Variants in PLXDC2 observed in about 807,000 individuals in gnomAD.
PLXDC2 encodes plexin domain-containing protein 2.
A neutral mutation model predicts 68.9 loss-of-function variants in PLXDC2; 40 were observed. The ratio of observed to expected loss-of-function variants is 0.58; its 90% CI spans 0.45 to 0.76. The LOEUF (loss-of-function observed/expected upper bound fraction) is 0.76, where lower values mean the gene tolerates loss of function less well. PLXDC2 is among the 30% of genes least tolerant of loss of function. The probability of loss-of-function intolerance (pLI) is 0.00; values close to 1 mark genes in which losing one functional copy is unlikely to be tolerated. For synonymous variants in PLXDC2, 243 were observed against 234.2 expected (o/e 1.04, Z -0.34); for missense variants, 644 against 661.9 (o/e 0.97, Z 0.30).
At chr10:20,189,877 G>A (rs1474890429) in intron 9 of PLXDC2, among the ~76,000 whole-genome samples, 1 of 151,488 alleles carries the variant, frequency 6.6e-6, no homozygotes, top group Admixed American at 6.6e-5. Flanking sequence ...TTTAATGAGG[G>A]ACGTGGATAA....
Position 20,286,191 on chromosome 10 carries a change from A to G in PLXDC2, c.*6372A>G, listed in dbSNP as rs527886634. The G allele has an allele frequency of 6.6e-6, 1 of 152,218 alleles. No homozygotes were observed. The highest frequency in any genetic ancestry group is 1.5e-5 in the Non-Finnish European group (1 of 68,036). The allele number at this position is 152,218 out of a possible 1,614,324, so 9.4% of individuals were successfully genotyped here. A position where few individuals can be genotyped will look rare whatever the true frequency, so the allele number is the denominator to read the frequency against. On this transcript the variant is annotated 3_prime_UTR_variant, in exon 14 of 14. Transcript: ENST00000377252. ...AGCAAAATGCTCAAAACTTGTTATT[A>G]TAGGTTAATTTCCAGCTCACTGTTG...
intron 9 of PLXDC2, among the ~76,000 whole-genome samples, chr10:20,178,079 AG>A (rs1834553229): frequency 6.6e-6 from 1 of 152,162 alleles, no homozygotes; most frequent in African/African-American, 2.4e-5. Flanking sequence ...TTTCATAGCA[AG>A]GGTGGTTTAT....
intron 1 of PLXDC2, among the ~76,000 whole-genome samples, chr10:19,997,955 CA>C (rs1251851687): frequency 1.3e-5 from 2 of 152,098 alleles, no homozygotes; most frequent in Admixed American, 1.3e-4. Context: ...TCTTATATTC[CA>C]ATGGGAATCA....
intron 4 of PLXDC2, among the ~76,000 whole-genome samples, chr10:20,088,752 T>C (rs889722489): frequency 3.3e-5 from 5 of 152,190 alleles, no homozygotes; most frequent in Admixed American, 1.3e-4. Context: ...GGTATATCAA[T>C]CACACCTATC....
intron 1 of PLXDC2, among the ~76,000 whole-genome samples, chr10:19,824,080 A>C (rs933811337): frequency 1.3e-5 from 2 of 152,146 alleles, no homozygotes; most frequent in Non-Finnish European, 2.9e-5. Flanking sequence ...TCTGCAATAC[A>C]TTTCACGGTG....
intron 12 of PLXDC2, among the ~76,000 whole-genome samples, chr10:20,222,243 G>A (rs1835222227): frequency 6.6e-6 from 1 of 152,108 alleles, no homozygotes; most frequent in Non-Finnish European, 1.5e-5. Flanking sequence ...CGTTTCCATG[G>A]GTTAAAATAG....
At chr10:19,875,368 G>A (rs1335780479) in intron 1 of PLXDC2, among the ~76,000 whole-genome samples, 1 of 152,162 alleles carries the variant, frequency 6.6e-6, no homozygotes, top group Admixed American at 6.5e-5. Flanking sequence ...GTAATAGAAT[G>A]CTATGGTTTT....
At chr10:20,023,070 G>A (rs927424674) in intron 2 of PLXDC2, among the ~76,000 whole-genome samples, 3 of 147,112 alleles carry the variant, frequency 2.0e-5, no homozygotes, top group African/African-American at 7.5e-5. Context: ...AAAAGTAATG[G>A]CATTTAAATA....
intron 1 of PLXDC2, among the ~76,000 whole-genome samples, chr10:19,941,474 T>C (rs917146459): frequency 6.6e-6 from 1 of 152,234 alleles, no homozygotes; most frequent in Non-Finnish European, 1.5e-5. Flanking sequence ...CAGAGCATTT[T>C]GTTGGCACAT....
intron 12 of PLXDC2, among the ~76,000 whole-genome samples, chr10:20,223,927 G>A (rs1002411784): frequency 6.7e-6 from 1 of 150,238 alleles, no homozygotes. Context: ...CTCTAGAAAT[G>A]TGGATTTAAT....
chr10:20,240,468 A>G (rs1453199430), intron 12 of PLXDC2, among the ~76,000 whole-genome samples: 1 of 152,134 alleles, frequency 6.6e-6, no homozygotes, highest in Admixed American at 6.6e-5. Context: ...TCTGTCTGCA[A>G]ATCTCCATAA....
At chr10:20,254,777 A>C (rs1835721203) in intron 13 of PLXDC2, among the ~76,000 whole-genome samples, 1 of 152,156 alleles carries the variant, frequency 6.6e-6, no homozygotes, top group Non-Finnish European at 1.5e-5. Flanking sequence ...CACTTGAAAA[A>C]AAGAGACACT....
intron 12 of PLXDC2, among the ~76,000 whole-genome samples, chr10:20,226,957 C>A (rs1407520322): frequency 6.6e-6 from 1 of 151,580 alleles, no homozygotes; most frequent in African/African-American, 2.4e-5. Context: ...GCCCCAGGAA[C>A]AGGTTTTGTG....
intron 13 of PLXDC2, among the ~76,000 whole-genome samples, chr10:20,252,308 CA>C (rs1000649930): frequency 6.6e-6 from 1 of 152,048 alleles, no homozygotes; most frequent in Non-Finnish European, 1.5e-5. Flanking sequence ...AATCTGAGTA[CA>C]AAAAATAATG....
chr10:20,074,226 C>T lies in PLXDC2; in HGVS notation c.541+5987C>T, dbSNP rs1836393679. Among the ~76,000 whole-genome samples, 5 of 152,134 alleles carry T rather than the reference C, an allele frequency of 3.3e-5. No homozygotes were observed. The East Asian group carries it at 5.8e-4, about 18-fold the overall frequency. On this transcript the variant is annotated intron_variant, in intron 4 of 13. Coordinates refer to ENST00000377252, the MANE Select transcript of PLXDC2 (RefSeq NM_032812.9). ...CCTTCCCTTTCTACACAGGTTTCTA[C>T]TTACAGATTTCATAAGAAAGCTGTT...
chr10:20,248,144 C>T (rs1835624957), intron 13 of PLXDC2, among the ~76,000 whole-genome samples: 1 of 152,182 alleles, frequency 6.6e-6, no homozygotes, highest in African/African-American at 2.4e-5. Flanking sequence ...AAAAAGAAGA[C>T]ACTGAAATAT....
intron 12 of PLXDC2, among the ~76,000 whole-genome samples, chr10:20,223,591 G>T (rs958159748): frequency 6.6e-5 from 10 of 152,114 alleles, no homozygotes; most frequent in African/African-American, 2.2e-4. Flanking sequence ...GGGATTACGG[G>T]TGTAAGCCAT....
At chr10:20,182,776 C>G (rs958586590) in intron 9 of PLXDC2, among the ~76,000 whole-genome samples, 21 of 151,738 alleles carry the variant, frequency 1.4e-4, no homozygotes, top group African/African-American at 4.6e-4. Flanking sequence ...TTTGCTGCAT[C>G]TATCAACCCA....
intron 1 of PLXDC2, among the ~76,000 whole-genome samples, chr10:19,959,808 G>A (rs972519515): frequency 1.3e-5 from 2 of 152,122 alleles, no homozygotes; most frequent in African/African-American, 4.8e-5. Context: ...TGAAGAGTTT[G>A]TTCAACACTT....
Sources: allele counts gnomAD v4.1 joint callset (sites outside exome capture counted in the v4.1 genomes callset), GRCh38; gene constraint gnomAD v4.1.1; transcripts MANE v1.5; gene names NCBI Gene and HGNC (gene_info 2026-07-23, HGNC 2026-07-21).